NCL: variants seen among roughly 807,000 people sequenced by gnomAD.
NCL encodes nucleolin multifunctional protein.
A neutral mutation model predicts 77.7 loss-of-function variants in NCL; 4 were observed. That is an observed-to-expected ratio of 0.05 (90% CI 0.03 to 0.12). The LOEUF (loss-of-function observed/expected upper bound fraction) is 0.12, where lower values mean the gene tolerates loss of function less well. Ranked by LOEUF, NCL falls within the 10% of genes least tolerant of loss-of-function variation. The probability of loss-of-function intolerance (pLI) is 1.00; values close to 1 mark genes in which losing one functional copy is unlikely to be tolerated. For missense variants in NCL, 763 were observed against 860.9 expected, an observed-to-expected ratio of 0.89 and a Z score of 1.42; for synonymous variants, 344 against 297.8, an observed-to-expected ratio of 1.16 and a Z score of -1.60.
intron 2 of NCL, 68 bp from the exon 3 acceptor site, chr2:231,462,085 A>T: frequency 6.4e-7 from 1 of 1,572,122 alleles, no homozygotes; most frequent in Non-Finnish European, 8.7e-7. Context: ...CATGGTCCCA[A>T]TGAGATGTTA....
rs760778155 is a variant in NCL at position 231,456,124 on chromosome 2, G to A, written c.1718C>T (p.Thr573Ile). 2 of 1,610,080 alleles carry A rather than the reference G, an allele frequency of 1.2e-6. No individual in the cohort carries two copies. The highest frequency in any genetic ancestry group is 1.7e-6 in the Non-Finnish European group (2 of 1,178,878). The change falls in exon 12 of 14, where the codon ACT (threonine) becomes ATT (isoleucine). Residue 573 changes from threonine (T) to isoleucine (I), a missense_variant. Around this residue, in one of 2 missense-constraint regions of NCL, gnomAD observed 173 missense variants for 290.4 expected, o/e 0.60. Transcript: ENST00000322723. ...SPNARSQPSK[T>I]LFVKGLSEDT... is the part of the protein sequence containing the mutation. ...CTCAGACAGGCCTTTGACAAACAGA[G>A]TTTTGGATGGCTCTGGGAAGGAAAA...
chr2:231,457,261 T>C, intron 9 of NCL, 137 bp from the exon 10 acceptor site: 1 of 1,236,296 alleles, frequency 8.1e-7, no homozygotes, highest in Non-Finnish European at 1.2e-6. Context: ...CTAAATCCAT[T>C]TCTGTTACTC....
chr2:231,460,296 G>A lies in NCL; in HGVS notation c.899-3C>T, dbSNP rs757591369. On this transcript the variant is annotated splice_polypyrimidine_tract_variant and splice_region_variant and intron_variant, in intron 5 of 13. Transcript: ENST00000322723. ...GAAAGCCGTAGTCGGTTCTGTGCCT[G>A]CACAAAAAAAGCTCAACTCAGTCTA... 5.0e-6 allele frequency: 8 copies of A among 1,613,226 alleles called. No individual in the cohort carries two copies. Among genetic ancestry groups the A allele is most frequent in the Admixed American group, 1.7e-5 (1 of 59,798 alleles).
In NCL at chr2:231,458,407, A is replaced by C; in HGVS notation, c.1166-18T>G. On this transcript the variant is annotated intron_variant, in intron 7 of 13. Transcript: ENST00000322723. ...ATCTCGCTCTAGATTAAAAAAACAA[A>C]AATGAGCTCTGTGGCCTGAAAAACC... is the stretch of plus-strand genomic sequence containing the variant. The C allele has an allele frequency of 6.2e-7, 1 of 1,610,204 alleles. No homozygotes were observed. The highest frequency in any genetic ancestry group is 1.1e-5 in the South Asian group (1 of 90,330).
At chr2:231,463,111 CTT>C in intron 2 of NCL, 87 bp downstream of exon 2, 1 of 954,974 alleles carries the variant, frequency 1.0e-6, no homozygotes, top group East Asian at 2.4e-5. Context: ...TGAATAAAAT[CTT>C]ATTTTTGCCA....
At chr2:231,461,385 A>C (rs1409200015) in intron 3 of NCL, among the ~76,000 whole-genome samples, 155 bp downstream of exon 3, 1 of 152,216 alleles carries the variant, frequency 6.6e-6, no homozygotes, top group Non-Finnish European at 1.5e-5. Context: ...AAAATCATTC[A>C]TGGGTAATTA....
At position 231,457,777 on chromosome 2, in the gene NCL, G is replaced by C. The variant is rs761911027; in HGVS notation, c.1313C>G (p.Thr438Arg). The change falls in exon 9 of 14, where the codon ACA (threonine) becomes AGA (arginine). Residue 438 changes from threonine to arginine, a missense_variant. By Grantham distance (71) the Thr-to-Arg change is moderately conservative (BLOSUM62 -1). Coordinates refer to ENST00000322723, the MANE Select transcript of NCL (RefSeq NM_005381.3). ...AAAGGTTTTCTCTGCATCAGCTTCTGTCTTAAATTCAATATAAGCAATCCT... is the reference window on the plus strand; with the variant it reads ...AAAGGTTTTCTCTGCATCAGCTTCTCTCTTAAATTCAATATAAGCAATCCT... ...SKGIAYIEFK[T>R]EADAEKTFEE... The C allele has an allele frequency of 7.5e-6, 12 of 1,610,356 alleles. No homozygotes were observed. Among genetic ancestry groups the C allele is most frequent in the Non-Finnish European group, 1.7e-6 (2 of 1,178,426 alleles).
rs778357031 is a variant in NCL, at chr2:231,460,497, G to C, written c.879C>G (p.Ala293=). The C allele has an allele frequency of 1.2e-6, 2 of 1,614,048 alleles. No homozygotes were observed. The highest frequency in any genetic ancestry group is 2.2e-5 in the East Asian group (1 of 44,884). The part of the protein sequence containing the change: ...EMAKQKAAPE[A]KKQKVEGTEP... ...AGTTACCTTCCACTTTCTGTTTCTT[G>C]GCTTCAGGAGCTGCTTTCTGTTTGG... is the stretch of plus-strand genomic sequence containing the variant. Residue 293 remains alanine, a synonymous_variant, in exon 5 of 14, where the codon GCC becomes GCG. Coordinates refer to ENST00000322723, the MANE Select transcript of NCL (RefSeq NM_005381.3).
chr2:231,460,438 G>C (rs1476918453), intron 5 of NCL, 40 bp downstream of exon 5: 1 of 1,593,504 alleles, frequency 6.3e-7, no homozygotes, highest in Non-Finnish European at 8.6e-7. Flanking sequence ...CATCATTTGT[G>C]CTGTTTATCT....
At position 231,455,164 on chromosome 2, in the gene NCL, G is replaced by A. The variant is rs774266327; in HGVS notation, c.*27C>T. On this transcript the variant is annotated 3_prime_UTR_variant, in exon 14 of 14. Transcript: ENST00000322723. ...AACCCCAGAGTCCTTTCTTTCAAAT[G>A]GAAAAGGGAAAGCAGAGGGACAGAA... 3.1e-6 allele frequency: 5 copies of A among 1,613,610 alleles called. No homozygotes were observed. In the South Asian group the frequency reaches 5.5e-5, roughly 18 times the overall value.
chr2:231,463,412 T>A, intron 1 of NCL, 96 bp from the exon 2 acceptor site: 1 of 814,428 alleles, frequency 1.2e-6, no homozygotes, highest in Non-Finnish European at 2.1e-6. Context: ...ATCTCCGTCC[T>A]CAGATCCATT....
intron 13 of NCL, 56 bp from the exon 14 acceptor site, chr2:231,455,323 C>A (rs1434546519): frequency 6.2e-7 from 1 of 1,613,272 alleles, no homozygotes; most frequent in Non-Finnish European, 8.5e-7. Context: ...TCCTCCTCCC[C>A]AGTGATTAGG....
Position 231,461,580 on chromosome 2 carries a change from ATCC to A in NCL, c.570_572del (p.Glu190del). On this transcript the variant is annotated inframe_deletion, in exon 3 of 14. Transcript: ENST00000322723. ...CATCGTCATCCTCATCATCTTCGTC[ATCC>A]TCATCGTCCTCATCCTCTGAGGCAG... 6.2e-7 allele frequency: 1 copy of A among 1,612,626 alleles called. No individual in the cohort carries two copies.
chr2:231,459,989 T>C (rs1402995946), intron 6 of NCL, among the ~76,000 whole-genome samples, 163 bp downstream of exon 6: 1 of 152,216 alleles, frequency 6.6e-6, no homozygotes, highest in East Asian at 1.9e-4. Context: ...AATTGCAACT[T>C]AGGGGATCTA....
intron 11 of NCL, chr2:231,456,388 G>GC: frequency 1.1e-6 from 1 of 916,290 alleles, no homozygotes; most frequent in Non-Finnish European, 1.8e-6. Context: ...AGCAGGTGGG[G>GC]CCCAGTGGAT....
chr2:231,456,435 T>C (rs1282943875), intron 11 of NCL, 196 bp downstream of exon 11: 2 of 1,102,130 alleles, frequency 1.8e-6, no homozygotes, highest in Non-Finnish European at 2.8e-6. Flanking sequence ...CTACTCTGAG[T>C]TGACACAGCT....
At chr2:231,458,196 A>G (rs2046910084) in intron 8 of NCL, 70 bp downstream of exon 8, 7 of 1,564,014 alleles carry the variant, frequency 4.5e-6, no homozygotes, top group African/African-American at 2.7e-5. Flanking sequence ...TCAAACCAAT[A>G]TTTCTTTTAT....
At chr2:231,462,473 G>C (rs2046961884) in intron 2 of NCL, 1 of 460,870 alleles carries the variant, frequency 2.2e-6, no homozygotes, top group South Asian at 1.5e-5. Flanking sequence ...CAATTCTTAG[G>C]ACCTGAGACA....
At chr2:231,463,564 A>G (rs1286970853) in intron 1 of NCL, 1 of 485,530 alleles carries the variant, frequency 2.1e-6, no homozygotes, top group East Asian at 4.0e-5. Context: ...CAACCTGAGG[A>G]AATGATTTCT....
Sources: allele counts gnomAD v4.1 joint callset (sites outside exome capture counted in the v4.1 genomes callset), GRCh38; gene constraint gnomAD v4.1.1; regional missense constraint gnomAD v4.1.1; transcripts MANE v1.5; gene names NCBI Gene and HGNC (gene_info 2026-07-23, HGNC 2026-07-21).